Variants in TENM2 observed in about 807,000 individuals in gnomAD.
TENM2 encodes teneurin transmembrane protein 2.
In TENM2, 52 loss-of-function variants were observed where a neutral mutation model predicts 245.2. The ratio of observed to expected loss-of-function variants is 0.21; its 90% CI spans 0.17 to 0.27. The LOEUF (loss-of-function observed/expected upper bound fraction) is 0.27. Among genes scored for constraint, TENM2 ranks in the 10% least tolerant of loss-of-function variants. TENM2 has a pLI of 1.00. For missense variants in TENM2, 3,046 were observed against 3,666.8 expected (o/e 0.83, Z 4.37); for synonymous variants, 1,363 against 1,438.9 (o/e 0.95, Z 1.19).
the TENM2 span, among the ~76,000 whole-genome samples, chr5:167,019,600 A>T: frequency 6.6e-6 from 1 of 152,022 alleles, no homozygotes. Context: ...CCTGTTGGGT[A>T]GCTGGGACTA....
chr5:167,859,284 G>A (rs1201422951), intron 2 of TENM2, among the ~76,000 whole-genome samples: 201 of 89,204 alleles, frequency 2.3e-3, no homozygotes, highest in Admixed American at 3.3e-3. Flanking sequence ...CAGCTGCCCC[G>A]TCTGAGAAGT....
chr5:167,154,169 C>T, the TENM2 span, among the ~76,000 whole-genome samples: 239 of 152,286 alleles, frequency 1.6e-3, 2 homozygotes, highest in Non-Finnish European at 2.3e-3. Context: ...ACAAATTGGT[C>T]TGTTCTTGTG....
intron 5 of TENM2, among the ~76,000 whole-genome samples, chr5:168,039,846 G>A (rs1788030097): frequency 6.6e-6 from 1 of 152,216 alleles, no homozygotes; most frequent in East Asian, 1.9e-4. Context: ...CACTCGCAGT[G>A]TCAACAGCAC....
At chr5:168,233,801 G>A (rs767997736) in intron 25 of TENM2, among the ~76,000 whole-genome samples, 7 of 152,180 alleles carry the variant, frequency 4.6e-5, no homozygotes, top group Admixed American at 1.3e-4. Flanking sequence ...ATGGCGGGAG[G>A]CAAAAGGCAC....
chr5:167,620,752 C>T (rs572936111), intron 2 of TENM2, among the ~76,000 whole-genome samples: 2 of 152,082 alleles, frequency 1.3e-5, no homozygotes, highest in South Asian at 2.1e-4. Context: ...TGTTTTGACT[C>T]ATCTTTGATT....
intron 7 of TENM2, among the ~76,000 whole-genome samples, chr5:168,079,433 G>C (rs1047737422): frequency 7.2e-5 from 11 of 152,096 alleles, no homozygotes; most frequent in South Asian, 2.1e-4. Flanking sequence ...TCCTTCTCCT[G>C]CCTGATTGCC....
chr5:166,994,344 A>G, the TENM2 span, among the ~76,000 whole-genome samples: 6 of 152,058 alleles, frequency 3.9e-5, no homozygotes, highest in African/African-American at 1.4e-4. Flanking sequence ...TTTCTTTTTT[A>G]AAGATTTCTC....
chr5:168,181,055 C>T (rs1379181966), intron 13 of TENM2, among the ~76,000 whole-genome samples: 1 of 152,216 alleles, frequency 6.6e-6, no homozygotes, highest in Non-Finnish European at 1.5e-5. Context: ...ACTGGAAATA[C>T]GGTGCTCAGA....
chr5:167,238,297 G>C, the TENM2 span, among the ~76,000 whole-genome samples: 5 of 141,230 alleles, frequency 3.5e-5, no homozygotes, highest in African/African-American at 1.4e-4. Context: ...TTATTACTTA[G>C]TCATTATACA....
intron 2 of TENM2, among the ~76,000 whole-genome samples, chr5:167,680,159 A>G (rs1422055359): frequency 6.6e-6 from 1 of 152,004 alleles, no homozygotes; most frequent in Non-Finnish European, 1.5e-5. Flanking sequence ...CTTCCAACCA[A>G]TATTGAGCCC....
chr5:167,832,828 A>G (rs13436078), intron 2 of TENM2, among the ~76,000 whole-genome samples: 13,645 of 152,168 alleles, frequency 0.09, 804 homozygotes, highest in African/African-American at 0.16. Context: ...CCCATTGTGC[A>G]ATACGTCTTC....
At chr5:167,248,803 T>C in the TENM2 span, among the ~76,000 whole-genome samples, 264 of 34,258 alleles carry the variant, frequency 7.7e-3, 2 homozygotes, top group African/African-American at 0.013. Flanking sequence ...TGTGTGCGTG[T>C]GTGTGTATAT....
Position 168,247,038 on chromosome 5 carries a change from C to T in TENM2, c.6099C>T (p.Tyr2033=), listed in dbSNP as rs754059769. ...TCTCCAAGTTATCAGAGATTGTCTA[C>T]GACAGTACCGCCGTCACCTTCGGGT... Residue 2033 remains tyrosine (Y), a synonymous_variant, in exon 27 of 29, where the codon TAC becomes TAT. Transcript: ENST00000518659. This position sits in a 1 kb window ranked among gnomAD's most constrained non-coding sequence, Gnocchi z 7.8. 2.0e-5 allele frequency: 32 copies of T among 1,613,844 alleles called. No individual in the cohort carries two copies. The highest frequency in any genetic ancestry group is 1.6e-4 in the Middle Eastern group (1 of 6,084).
intron 15 of TENM2, 27 bp from the exon 18 acceptor site, chr5:168,198,826 T>G: frequency 6.2e-7 from 1 of 1,607,134 alleles, no homozygotes; most frequent in Non-Finnish European, 8.5e-7. Context: ...GTCTACCCCC[T>G]CATCAGCTCA....
intron 9 of TENM2, among the ~76,000 whole-genome samples, chr5:168,117,993 C>T (rs1428534840): frequency 6.6e-6 from 1 of 152,188 alleles, no homozygotes; most frequent in Non-Finnish European, 1.5e-5. Context: ...AAATGGGGAC[C>T]ATGACTGTAG....
the TENM2 span, among the ~76,000 whole-genome samples, chr5:167,278,415 T>C: frequency 3.9e-5 from 6 of 152,218 alleles, no homozygotes; most frequent in African/African-American, 1.4e-4. Context: ...ACCATTTACA[T>C]TTAAAAAAGC....
At chr5:167,074,781 G>T in the TENM2 span, among the ~76,000 whole-genome samples, 1 of 152,126 alleles carries the variant, frequency 6.6e-6, no homozygotes, top group East Asian at 1.9e-4. Flanking sequence ...TAGCGGTTCT[G>T]TTAGGATTGT....
At chr5:167,054,252 C>T in the TENM2 span, among the ~76,000 whole-genome samples, 2 of 152,284 alleles carry the variant, frequency 1.3e-5, no homozygotes, top group South Asian at 4.1e-4. Context: ...CACAATTTCA[C>T]CATTTCTTCA....
chr5:168,253,835 C>A (rs2152706065), intron 27 of TENM2, among the ~76,000 whole-genome samples: 1 of 152,280 alleles, frequency 6.6e-6, no homozygotes, highest in East Asian at 1.9e-4. Flanking sequence ...GAACGGTCTC[C>A]CGATCCACCT....
Sources: gnomAD v4.1 joint callset for allele counts (sites outside exome capture counted in the v4.1 genomes callset) on GRCh38, gnomAD v4.1.1 for gene constraint, Gnocchi (gnomAD v3.1) non-coding constraint, MANE v1.5 for transcripts, NCBI Gene and HGNC (gene_info 2026-07-23, HGNC 2026-07-21) for gene names.